AGAP1: variants seen among roughly 807,000 people sequenced by gnomAD.
AGAP1 encodes ArfGAP with GTPase domain, ankyrin repeat and PH domain 1, also known as arf-GAP with GTPase, ANK repeat and PH domain-containing protein 1.
In AGAP1, 29 loss-of-function variants were observed where a neutral mutation model predicts 105.3. That is an observed-to-expected ratio of 0.28 (90% CI 0.21 to 0.38). The LOEUF is 0.38. AGAP1 is among the 10% of genes least tolerant of loss of function. The pLI, the probability that AGAP1 is intolerant of heterozygous loss-of-function variation, is 1.00. For synonymous variants in AGAP1, 509 were observed against 485.9 expected (o/e 1.05, Z -0.63); for missense variants, 998 against 1,165.1 (o/e 0.86, Z 2.09).
chr2:235,701,052 T>G lies in AGAP1; in HGVS notation c.164-8127T>G, dbSNP rs59872302. Among the ~76,000 whole-genome samples, 65 of 134,522 alleles carry G rather than the reference T, an allele frequency of 4.8e-4. No individual in the cohort carries two copies. The highest frequency in any genetic ancestry group is 1.7e-3 in the African/African-American group (53 of 31,972). 88.3% of individuals were successfully genotyped at this position (134,522 alleles called of 152,430 possible). A position where few individuals can be genotyped will look rare whatever the true frequency, so the allele number is the denominator to read the frequency against. ...ATGCTATAATATAGTTATATGTATA[T>G]ATTATATATGCTATAATATAGTTAT... On this transcript the variant is annotated intron_variant, in intron 1 of 17. Transcript: ENST00000304032. The surrounding 1 kb of genome is among the most constrained non-coding windows in gnomAD (Gnocchi z 4.1).
chr2:235,669,843 C>G (rs1040647590), intron 1 of AGAP1: 1 of 147,930 alleles, frequency 6.8e-6, no homozygotes, highest in African/African-American at 2.4e-5. Context: ...CGAGAGCGCT[C>G]TAGCGCCTGA....
At chr2:235,563,664 G>A (rs1461025893) in intron 1 of AGAP1, among the ~76,000 whole-genome samples, 1 of 152,112 alleles carries the variant, frequency 6.6e-6, no homozygotes, top group Non-Finnish European at 1.5e-5. Context: ...TGGCTGTCTG[G>A]GTAAGTTCTA....
chr2:235,626,418 A>G (rs751276438), intron 1 of AGAP1, among the ~76,000 whole-genome samples: 6 of 152,166 alleles, frequency 3.9e-5, no homozygotes, highest in Non-Finnish European at 5.9e-5. Context: ...TGTTCCATTA[A>G]TGGGGAGACC....
intron 9 of AGAP1, chr2:235,853,230 G>A: frequency 9.9e-7 from 1 of 1,013,362 alleles, no homozygotes; most frequent in Non-Finnish European, 1.2e-6. Flanking sequence ...GCGTTTTATA[G>A]ACTGGATGAG....
At chr2:235,805,722 G>A (rs1957803675) in intron 8 of AGAP1, among the ~76,000 whole-genome samples, 1 of 152,122 alleles carries the variant, frequency 6.6e-6, no homozygotes, top group African/African-American at 2.4e-5. Flanking sequence ...ATGAGCCCTT[G>A]ACAAAGAATT....
At position 235,983,733 on chromosome 2, in the gene AGAP1, T is replaced by C. The variant is rs1056519492; in HGVS notation, c.1645+15110T>C. On this transcript the variant is annotated intron_variant, in intron 13 of 17. Transcript: ENST00000304032. The surrounding 1 kb of genome is among the most constrained non-coding windows in gnomAD (Gnocchi z 4.5). ...TACAGTTTTTGATACAGTCACATAC[T>C]GTATGGGTTTATGCCCTGGGAGCAA... is the stretch of plus-strand genomic sequence containing the variant. Among the ~76,000 whole-genome samples, 8 of 152,214 alleles carry C rather than the reference T, an allele frequency of 5.3e-5. No homozygotes were observed. Among genetic ancestry groups the C allele is most frequent in the African/African-American group, 1.2e-4 (5 of 41,458 alleles).
Position 235,788,401 on chromosome 2 carries a change from G to A in AGAP1, c.674-9358G>A, listed in dbSNP as rs147115063. Among the ~76,000 whole-genome samples, 10 of 152,130 alleles carry A rather than the reference G, an allele frequency of 6.6e-5. No homozygotes were observed. In the East Asian group the frequency reaches 7.7e-4, roughly 12 times the overall value. On this transcript the variant is annotated intron_variant, in intron 6 of 17. Transcript: ENST00000304032. The surrounding 1 kb of genome is among the most constrained non-coding windows in gnomAD (Gnocchi z 6.0). ...CTAGTAAGCCAGGATGGTGTGGTGC[G>A]GATCTTGGATGAGGTTAGCTGAGTT...
intron 1 of AGAP1, among the ~76,000 whole-genome samples, chr2:235,536,622 A>C: frequency 1.1e-5 from 1 of 93,204 alleles, no homozygotes; most frequent in Admixed American, 1.3e-4. Context: ...TGTGTGTCGC[A>C]TCCTTCACAC....
chr2:235,882,166 A>C lies in AGAP1; in HGVS notation c.1051-1179A>C, dbSNP rs926662644. 2.6e-5 allele frequency among the ~76,000 whole-genome samples: 4 copies of C among 152,050 alleles called. No individual in the cohort carries two copies. The highest frequency in any genetic ancestry group is 7.2e-5 in the African/African-American group (3 of 41,408). ...TTATTCATAGAAATAATTTTCTATA[A>C]TGTCCTGGGGCAAACCAGAGAATTT... On this transcript the variant is annotated intron_variant, in intron 9 of 17. Coordinates refer to ENST00000304032, the MANE Select transcript of AGAP1 (RefSeq NM_001037131.3). The surrounding 1 kb of genome is among the most constrained non-coding windows in gnomAD (Gnocchi z 4.6).
chr2:235,731,363 A>G (rs1951936262), intron 3 of AGAP1, among the ~76,000 whole-genome samples: 1 of 152,122 alleles, frequency 6.6e-6, no homozygotes, highest in African/African-American at 2.4e-5. Context: ...ATAAACATGG[A>G]CTCCTTTACT....
Position 236,096,539 on chromosome 2 carries a change from G to C in AGAP1, c.2115-23653G>C, listed in dbSNP as rs752607223. ...CTTCTGGAATGTCATCAGTTAGATG[G>C]AATGCCAGTGCAGACAAATGATGCA... On this transcript the variant is annotated intron_variant, in intron 16 of 17. Transcript: ENST00000304032. The surrounding 1 kb of genome is among the most constrained non-coding windows in gnomAD (Gnocchi z 4.4). Among the ~76,000 whole-genome samples, 2 of 151,682 alleles carry C rather than the reference G, an allele frequency of 1.3e-5. No individual in the cohort carries two copies. The highest frequency in any genetic ancestry group is 2.4e-5 in the African/African-American group (1 of 41,324).
At chr2:235,678,820 C>A (rs954940944) in intron 1 of AGAP1, among the ~76,000 whole-genome samples, 22 of 151,976 alleles carry the variant, frequency 1.4e-4, no homozygotes, top group African/African-American at 5.1e-4. Context: ...CTGCAAGGTG[C>A]TGGGTGGAAG....
At position 236,123,996 on chromosome 2, in the gene AGAP1, G is replaced by A. The variant is rs1437394492; in HGVS notation, c.2448G>A (p.Glu816=). The A allele has an allele frequency of 6.8e-6, 11 of 1,614,070 alleles. No individual in the cohort carries two copies. The highest frequency in any genetic ancestry group is 1.7e-5 in the Admixed American group (1 of 60,020). ...LAYARQASSQ[E]CIDVLLQYGC... ...ACGCCCGGCAGGCCTCCAGCCAGGA[G>A]TGCATCGACGTGCTGCTGCAGTACG... The change falls in exon 18 of 18, where the codon GAG becomes GAA. Residue 816 remains glutamate (E), a synonymous_variant. Coordinates refer to ENST00000304032, the MANE Select transcript of AGAP1 (RefSeq NM_001037131.3). The surrounding 1 kb of genome is among the most constrained non-coding windows in gnomAD (Gnocchi z 4.6).
intron 2 of AGAP1, among the ~76,000 whole-genome samples, chr2:235,713,884 C>T (rs1013396537): frequency 4.6e-5 from 7 of 152,208 alleles, no homozygotes; most frequent in African/African-American, 1.4e-4. Flanking sequence ...TGTGTCCTCA[C>T]GTGGAGGAAG....
In AGAP1 at chr2:235,620,125, C is replaced by T. The variant is rs1946429471; in HGVS notation, c.164-89054C>T. 6.6e-6 allele frequency among the ~76,000 whole-genome samples: 1 copy of T among 152,182 alleles called. No individual in the cohort carries two copies. Among genetic ancestry groups the T allele is most frequent in the African/African-American group, 2.4e-5 (1 of 41,454 alleles). On this transcript the variant is annotated intron_variant, in intron 1 of 17. Coordinates refer to ENST00000304032, the MANE Select transcript of AGAP1 (RefSeq NM_001037131.3). This position sits in a 1 kb window ranked among gnomAD's most constrained non-coding sequence, Gnocchi z 4.5. The stretch of plus-strand genomic sequence containing the variant: ...AAGCCCTCGCATGCTGGAGACTTGT[C>T]ATTCTTCTCCTGCCGGGCATGGATG...
chr2:235,545,900 G>C (rs1943607201), intron 1 of AGAP1, among the ~76,000 whole-genome samples: 1 of 152,228 alleles, frequency 6.6e-6, no homozygotes. Flanking sequence ...GTATTTGGGT[G>C]ACTGACTTCT....
chr2:236,077,255 A>G (rs2058665320), intron 16 of AGAP1, among the ~76,000 whole-genome samples: 2 of 151,404 alleles, frequency 1.3e-5, no homozygotes, highest in South Asian at 2.1e-4. Context: ...AGTGCTTTAA[A>G]GAATTTAAGA....
intron 10 of AGAP1, among the ~76,000 whole-genome samples, chr2:235,894,145 T>C (rs116280230): frequency 6.6e-6 from 1 of 152,356 alleles, no homozygotes; most frequent in African/African-American, 2.4e-5. Flanking sequence ...GTTGCTGTTC[T>C]AGCCTGAGCT....
rs1452121061 is a variant in AGAP1 at position 236,035,515 on chromosome 2, T to A, written c.1646-1046T>A. Among the ~76,000 whole-genome samples the A allele has an allele frequency of 1.3e-5, 2 of 152,134 alleles. No homozygotes were observed. Among genetic ancestry groups the A allele is most frequent in the Admixed American group, 1.3e-4 (2 of 15,278 alleles). On this transcript the variant is annotated intron_variant, in intron 13 of 17. Transcript: ENST00000304032. This position sits in a 1 kb window ranked among gnomAD's most constrained non-coding sequence, Gnocchi z 4.2. ...GATGGTACACACCTGTAGTCCGAGC[T>A]ACTCAGGAGGCGAAGGCAGGCTCGC...
Sources: allele counts gnomAD v4.1 joint callset (sites outside exome capture counted in the v4.1 genomes callset), GRCh38; gene constraint gnomAD v4.1.1; non-coding constraint Gnocchi (gnomAD v3.1); transcripts MANE v1.5; gene names NCBI Gene and HGNC (gene_info 2026-07-23, HGNC 2026-07-21).